The following LRP1B variants were observed in gnomAD, a reference collection of about 807,000 sequenced individuals.
The protein encoded by LRP1B is LDL receptor related protein 1B.
In LRP1B, 217 loss-of-function variants were observed where a neutral mutation model predicts 556.6. The ratio of observed to expected loss-of-function variants is 0.39; its 90% CI spans 0.35 to 0.44. The LOEUF is 0.44. LRP1B is among the 20% of genes least tolerant of loss of function. The pLI is 1.00. For synonymous variants in LRP1B, 2,047 were observed against 1,865.8 expected, an observed-to-expected ratio of 1.10 and a Z score of -2.50; for missense variants, 5,053 against 5,620.8, an observed-to-expected ratio of 0.90 and a Z score of 3.23.
At chr2:141,781,300 T>C (rs766100953) in intron 2 of LRP1B, among the ~76,000 whole-genome samples, 1 of 152,182 alleles carries the variant, frequency 6.6e-6, no homozygotes, top group Non-Finnish European at 1.5e-5. Context: ...CATGATGTTA[T>C]AGTTAAAATG....
intron 2 of LRP1B, among the ~76,000 whole-genome samples, chr2:141,676,757 T>G (rs545656810): frequency 2.6e-5 from 4 of 152,196 alleles, no homozygotes; most frequent in Non-Finnish European, 4.4e-5. Flanking sequence ...TCTTAATGAC[T>G]GTGGCTCACA....
chr2:140,666,301 T>TACACACAC (rs56905500), intron 41 of LRP1B, among the ~76,000 whole-genome samples: 97 of 147,900 alleles, frequency 6.6e-4, no homozygotes, highest in African/African-American at 1.2e-3. Context: ...CCATTTATTA[T>TACACACAC]ACACACACAC....
chr2:140,245,579 T>A (rs1244541710), intron 87 of LRP1B, among the ~76,000 whole-genome samples: 1 of 151,434 alleles, frequency 6.6e-6, no homozygotes, highest in Non-Finnish European at 1.5e-5. Context: ...TACAGCTTGA[T>A]AACTTCAAAT....
At chr2:142,072,551 A>G (rs945080838) in intron 1 of LRP1B, among the ~76,000 whole-genome samples, 2 of 151,872 alleles carry the variant, frequency 1.3e-5, no homozygotes, top group African/African-American at 4.8e-5. Flanking sequence ...ATGCAGCCCA[A>G]TACAATTTCA....
chr2:140,813,421 A>G (rs2105035074), intron 32 of LRP1B, among the ~76,000 whole-genome samples: 1 of 152,348 alleles, frequency 6.6e-6, no homozygotes, highest in Admixed American at 6.5e-5. Flanking sequence ...TAGTAAGCCA[A>G]GAATCAGTAA....
intron 1 of LRP1B, among the ~76,000 whole-genome samples, chr2:141,900,951 G>T (rs538402136): frequency 2.0e-5 from 3 of 152,096 alleles, no homozygotes; most frequent in Non-Finnish European, 2.9e-5. Flanking sequence ...GAGCGGACTT[G>T]CAGGGACATG....
intron 2 of LRP1B, among the ~76,000 whole-genome samples, chr2:141,726,650 G>A (rs1693048473): frequency 6.6e-6 from 1 of 151,980 alleles, no homozygotes; most frequent in African/African-American, 2.4e-5. Context: ...ACTATCCAGA[G>A]AGTACTGGAA....
At chr2:142,053,907 G>T (rs1232427293) in intron 1 of LRP1B, among the ~76,000 whole-genome samples, 1 of 152,132 alleles carries the variant, frequency 6.6e-6, no homozygotes, top group African/African-American at 2.4e-5. Flanking sequence ...AGGGACAAGA[G>T]TATACATAAT....
intron 1 of LRP1B, among the ~76,000 whole-genome samples, chr2:142,050,183 G>C (rs893960337): frequency 6.6e-6 from 1 of 152,092 alleles, no homozygotes; most frequent in African/African-American, 2.4e-5. Flanking sequence ...CACACACAGA[G>C]AGAAATTTCA....
chr2:141,436,006 G>A lies in LRP1B; in HGVS notation c.343+44390C>T, dbSNP rs559890534. Among the ~76,000 whole-genome samples the A allele has an allele frequency of 1.4e-3, 207 of 152,252 alleles. 1 individual carries two copies. The highest frequency in any genetic ancestry group is 4.4e-3 in the African/African-American group (182 of 41,526). On this transcript the variant is annotated intron_variant, in intron 3 of 90. Coordinates refer to ENST00000389484, the MANE Select transcript of LRP1B (RefSeq NM_018557.3). ...ACCATAGTATAATTTCCATAACATG[G>A]AGCTGAAAGGGTAGGGAAAATAGTG...
chr2:142,005,352 C>A (rs1702769510), intron 1 of LRP1B, among the ~76,000 whole-genome samples: 1 of 151,982 alleles, frequency 6.6e-6, no homozygotes, highest in South Asian at 2.1e-4. Flanking sequence ...ACATTCCGGG[C>A]ATTTTCAGAC....
rs370930065 is a variant in LRP1B at position 140,883,932 on chromosome 2, T to C, written c.4054A>G (p.Ile1352Val). 32 of 1,613,642 alleles carry C rather than the reference T, an allele frequency of 2.0e-5. No homozygotes were observed. Among genetic ancestry groups the C allele is most frequent in the Non-Finnish European group, 2.7e-5 (32 of 1,179,958 alleles). The change falls in exon 25 of 91, where the codon ATA (isoleucine) becomes GTA (valine). Residue 1352 changes from isoleucine to valine, a missense_variant. By Grantham distance (29) the Ile-to-Val change is conservative (BLOSUM62 3). Around this residue, in one of 5 missense-constraint regions of LRP1B, gnomAD observed 3,619 missense variants for 3,931.9 expected, o/e 0.92. Coordinates refer to ENST00000389484, the MANE Select transcript of LRP1B (RefSeq NM_018557.3). ...TCGATTTGGTCCAGATTGCTGTCTATCCAGTATATGTTTCCTGCTATCCAG... is the reference window on the plus strand; with the variant it reads ...TCGATTTGGTCCAGATTGCTGTCTACCCAGTATATGTTTCCTGCTATCCAG... ...VDWIAGNIYW[I>V]DSNLDQIEVA...
At chr2:141,133,155 C>A (rs1478572225) in intron 7 of LRP1B, among the ~76,000 whole-genome samples, 1 of 151,942 alleles carries the variant, frequency 6.6e-6, no homozygotes, top group Non-Finnish European at 1.5e-5. Context: ...GTTAGCACCA[C>A]AGGAAAAAAT....
chr2:141,010,541 GT>G (rs1259029936), intron 14 of LRP1B, among the ~76,000 whole-genome samples: 1 of 151,486 alleles, frequency 6.6e-6, no homozygotes, highest in Admixed American at 6.6e-5. Context: ...TTTAGACAGA[GT>G]TTTGCTCTGT....
At chr2:141,467,840 G>GT (rs1164003987) in intron 3 of LRP1B, among the ~76,000 whole-genome samples, 13 of 9,362 alleles carry the variant, frequency 1.4e-3, no homozygotes, top group Admixed American at 2.0e-3. Flanking sequence ...TTTGCGGACC[G>GT]GGGGGGGGGG....
chr2:141,966,223 G>T (rs886371129), intron 1 of LRP1B, among the ~76,000 whole-genome samples: 1 of 151,902 alleles, frequency 6.6e-6, no homozygotes, highest in South Asian at 2.1e-4. Context: ...TTTTCATGGA[G>T]ATTATAAGAG....
At chr2:141,288,970 A>G (rs1173167416) in intron 3 of LRP1B, among the ~76,000 whole-genome samples, 1 of 152,220 alleles carries the variant, frequency 6.6e-6, no homozygotes, top group African/African-American at 2.4e-5. Context: ...GTGTGTTTGT[A>G]CATGTACTTT....
At chr2:142,083,323 A>AT (rs1705790797) in intron 1 of LRP1B, among the ~76,000 whole-genome samples, 1 of 152,024 alleles carries the variant, frequency 6.6e-6, no homozygotes, top group African/African-American at 2.4e-5. Flanking sequence ...AGCTTTCCTG[A>AT]TTTTTCCTCA....
chr2:140,706,539 T>C (rs1010247764), intron 37 of LRP1B, among the ~76,000 whole-genome samples: 1 of 152,182 alleles, frequency 6.6e-6, no homozygotes, highest in Admixed American at 6.6e-5. Flanking sequence ...TTCAGAATTA[T>C]AGAAATTTTA....
Sources: allele counts gnomAD v4.1 joint callset (sites outside exome capture counted in the v4.1 genomes callset), GRCh38; gene constraint gnomAD v4.1.1; regional missense constraint gnomAD v4.1.1; transcripts MANE v1.5; gene names NCBI Gene and HGNC (gene_info 2026-07-23, HGNC 2026-07-21).